The following PDHX variants were observed in gnomAD, a reference collection of about 807,000 sequenced individuals.
PDHX encodes the protein pyruvate dehydrogenase protein X component, mitochondrial.
In PDHX, 33 loss-of-function variants were observed where a neutral mutation model predicts 55.3. The ratio of observed to expected loss-of-function variants is 0.60; its 90% CI spans 0.45 to 0.80. The LOEUF (loss-of-function observed/expected upper bound fraction) is 0.80. Ranked by LOEUF, PDHX falls within the 30% of genes least tolerant of loss-of-function variation. The pLI, the probability that PDHX is intolerant of heterozygous loss-of-function variation, is 0.00. For synonymous variants in PDHX, 226 were observed against 219.4 expected, an observed-to-expected ratio of 1.03 and a Z score of -0.27; for missense variants, 622 against 619.9, an observed-to-expected ratio of 1.00 and a Z score of -0.04.
chr11:34,916,205 G>C (rs771164728), upstream of PDHX: 1 of 1,605,080 alleles, frequency 6.2e-7, no homozygotes, highest in Admixed American at 1.7e-5. Context: ...GGGAATACCG[G>C]GCACCGGTGG....
rs558574719 is a variant in PDHX, at chr11:34,946,773, C to G, written c.242-733C>G. On this transcript the variant is annotated intron_variant, in intron 2 of 10. Transcript: ENST00000227868. ...ATGAGTAGAAGAACCCTGACTTAGC[C>G]CTAGCTCCAAATAGTGAATCTGATT... Among the ~76,000 whole-genome samples, 6 of 152,210 alleles carry G rather than the reference C, an allele frequency of 3.9e-5. No homozygotes were observed. In the South Asian group the frequency reaches 1.2e-3, roughly 32 times the overall value.
intron 6 of PDHX, among the ~76,000 whole-genome samples, chr11:34,969,536 G>A (rs1855210700): frequency 1.3e-5 from 2 of 152,034 alleles, no homozygotes; most frequent in African/African-American, 4.8e-5. Context: ...TAGAGATGGG[G>A]TTTCACCATG....
At chr11:34,943,393 C>T (rs1173772779) in intron 2 of PDHX, among the ~76,000 whole-genome samples, 1 of 152,108 alleles carries the variant, frequency 6.6e-6, no homozygotes, top group African/African-American at 2.4e-5. Flanking sequence ...TACTGATGAA[C>T]ACAAATGATG....
intron 2 of PDHX, among the ~76,000 whole-genome samples, chr11:34,935,168 A>G (rs1454426928): frequency 6.6e-6 from 1 of 151,700 alleles, no homozygotes; most frequent in Non-Finnish European, 1.5e-5. Flanking sequence ...TTTATTTTTT[A>G]TATATAAATT....
chr11:34,927,694 C>T (rs114848649), intron 1 of PDHX, among the ~76,000 whole-genome samples: 169 of 152,126 alleles, frequency 1.1e-3, no homozygotes, highest in African/African-American at 3.9e-3. Flanking sequence ...CACATTAATG[C>T]TTATGAAATG....
intron 4 of PDHX, among the ~76,000 whole-genome samples, chr11:34,958,093 A>G (rs924615963): frequency 6.6e-6 from 1 of 152,208 alleles, no homozygotes; most frequent in African/African-American, 2.4e-5. Context: ...AACTTAATAC[A>G]CATCATTTCA....
chr11:34,978,311 A>T, intron 8 of PDHX, 129 bp downstream of exon 8: 1 of 657,402 alleles, frequency 1.5e-6, no homozygotes, highest in South Asian at 1.8e-5. Flanking sequence ...AAAATATCCT[A>T]TCGTTTGATC....
intron 2 of PDHX, among the ~76,000 whole-genome samples, chr11:34,942,733 A>G (rs181553703): frequency 1.8e-3 from 267 of 152,288 alleles, no homozygotes; most frequent in African/African-American, 5.9e-3. Context: ...TCCATACGTA[A>G]TATTACTATG....
At chr11:34,991,706 G>T (rs1016607971) in intron 9 of PDHX, among the ~76,000 whole-genome samples, 1 of 151,610 alleles carries the variant, frequency 6.6e-6, no homozygotes, top group African/African-American at 2.4e-5. Context: ...TTCAGGAGTT[G>T]GAGACCAGCC....
At chr11:34,920,564 T>A (rs1292994576) in intron 1 of PDHX, among the ~76,000 whole-genome samples, 5 of 152,178 alleles carry the variant, frequency 3.3e-5, no homozygotes, top group Non-Finnish European at 7.4e-5. Context: ...AAATCTAGAT[T>A]TTTGTTCTCT....
At chr11:34,983,639 CAGAG>C (rs1308950264) in intron 8 of PDHX, among the ~76,000 whole-genome samples, 1 of 151,250 alleles carries the variant, frequency 6.6e-6, no homozygotes, top group Admixed American at 6.6e-5. Flanking sequence ...AACAGACAAA[CAGAG>C]AGCCAAATCA....
Position 34,947,448 on chromosome 11 carries a change from A to G in PDHX, c.242-58A>G, listed in dbSNP as rs962163540. 8.0e-5 allele frequency: 88 copies of G among 1,095,826 alleles called. 1 individual carries two copies. Among genetic ancestry groups the G allele is most frequent in the South Asian group, 5.6e-4 (44 of 78,390 alleles). 67.9% of individuals were successfully genotyped at this position (1,095,826 alleles called of 1,614,324 possible). ...ATTTATGTTTTATTCATACGTACAT[A>G]TATACATAGTAATATTTATATTTTA... is the stretch of plus-strand genomic sequence containing the variant. On this transcript the variant is annotated intron_variant, in intron 2 of 10. Transcript: ENST00000227868.
intron 5 of PDHX, among the ~76,000 whole-genome samples, chr11:34,964,464 C>G (rs1348252576): frequency 6.6e-6 from 1 of 152,016 alleles, no homozygotes; most frequent in African/African-American, 2.4e-5. Flanking sequence ...ATTAGCCAGG[C>G]GTGGTGATGC....
At chr11:34,949,302 C>A (rs750359152) in intron 3 of PDHX, among the ~76,000 whole-genome samples, 1 of 127,574 alleles carries the variant, frequency 7.8e-6, no homozygotes, top group Non-Finnish European at 1.6e-5. Flanking sequence ...AGGCTGGACA[C>A]GATCTTGGCT....
At chr11:34,973,542 A>G (rs1207931248) in intron 7 of PDHX, among the ~76,000 whole-genome samples, 1 of 151,720 alleles carries the variant, frequency 6.6e-6, no homozygotes. Flanking sequence ...TATTCATTTT[A>G]TCTTCTTTTT....
At chr11:34,947,887 G>T (rs957043859) in intron 3 of PDHX, among the ~76,000 whole-genome samples, 1 of 152,162 alleles carries the variant, frequency 6.6e-6, no homozygotes, top group Non-Finnish European at 1.5e-5. Context: ...GCTACATATG[G>T]TAGAAACATG....
intron 6 of PDHX, among the ~76,000 whole-genome samples, chr11:34,967,293 C>T (rs1220022172): frequency 6.6e-6 from 1 of 152,142 alleles, no homozygotes; most frequent in Admixed American, 6.5e-5. Context: ...ACTCCAAATG[C>T]TTTGTTTTAC....
intron 9 of PDHX, among the ~76,000 whole-genome samples, chr11:34,987,257 T>C (rs189854236): frequency 2.0e-4 from 30 of 152,304 alleles, no homozygotes; most frequent in Admixed American, 1.3e-3. Context: ...GGTCCTCAAG[T>C]AGTACTTTCT....
At chr11:34,951,814 G>A (rs1854777680) in intron 3 of PDHX, among the ~76,000 whole-genome samples, 1 of 152,070 alleles carries the variant, frequency 6.6e-6, no homozygotes, top group Non-Finnish European at 1.5e-5. Flanking sequence ...TTTCTTCTAG[G>A]GTTTTTATGG....
Sources: allele counts gnomAD v4.1 joint callset (sites outside exome capture counted in the v4.1 genomes callset), GRCh38; gene constraint gnomAD v4.1.1; transcripts MANE v1.5; gene names NCBI Gene and HGNC (gene_info 2026-07-23, HGNC 2026-07-21).